Variants in SLCO3A1 observed in about 807,000 individuals in gnomAD.
SLCO3A1 encodes solute carrier organic anion transporter family member 3A1, also known as PGE1 transporter.
In SLCO3A1, 27 loss-of-function variants were observed where a neutral mutation model predicts 63.1. The ratio of observed to expected loss-of-function variants is 0.43; its 90% CI spans 0.32 to 0.59. The LOEUF is 0.59. Among genes scored for constraint, SLCO3A1 ranks in the 20% least tolerant of loss-of-function variants. SLCO3A1 has a pLI of 0.09. For synonymous variants in SLCO3A1, 473 were observed against 409.9 expected (o/e 1.15, Z -1.86); for missense variants, 773 against 945.8 (o/e 0.82, Z 2.40).
chr15:92,094,827 G>T lies in SLCO3A1; in HGVS notation c.647-54G>T, dbSNP rs575451605. Reference sequence around the variant, plus strand: ...AATCTCCTTGACCTTTGGTGATTTTGCTCATCGAATAGCTTCTGTTTTGTA... The same window carrying T: ...AATCTCCTTGACCTTTGGTGATTTTTCTCATCGAATAGCTTCTGTTTTGTA... On this transcript the variant is annotated intron_variant, in intron 2 of 9. Transcript: ENST00000318445. 4.5e-6 allele frequency: 5 copies of T among 1,112,652 alleles called. No individual in the cohort carries two copies. In the Admixed American group the frequency reaches 6.9e-5, roughly 15 times the overall value. 68.9% of individuals were successfully genotyped at this position (1,112,652 alleles called of 1,614,324 possible).
intron 2 of SLCO3A1, among the ~76,000 whole-genome samples, chr15:92,027,373 C>T (rs1275868283): frequency 2.6e-5 from 4 of 152,226 alleles, no homozygotes; most frequent in South Asian, 2.1e-4. Flanking sequence ...CCTTTACATA[C>T]GTTGTCCCAC....
intron 2 of SLCO3A1, among the ~76,000 whole-genome samples, chr15:91,923,019 C>G (rs1898899579): frequency 6.6e-6 from 1 of 152,182 alleles, no homozygotes; most frequent in Non-Finnish European, 1.5e-5. Context: ...GCCTGGGTGA[C>G]CTTTGGACAA....
At chr15:91,906,071 G>T (rs1173303335) in intron 1 of SLCO3A1, among the ~76,000 whole-genome samples, 1 of 152,184 alleles carries the variant, frequency 6.6e-6, no homozygotes, top group Non-Finnish European at 1.5e-5. Context: ...TCTGGGCTCA[G>T]GTTCCTCATC....
At chr15:91,970,565 G>C (rs1900822324) in intron 2 of SLCO3A1, among the ~76,000 whole-genome samples, 1 of 152,182 alleles carries the variant, frequency 6.6e-6, no homozygotes. Flanking sequence ...GGGTAGGTAG[G>C]AGACAAGTGG....
At chr15:92,044,914 G>A (rs1478883302) in intron 2 of SLCO3A1, among the ~76,000 whole-genome samples, 4 of 152,102 alleles carry the variant, frequency 2.6e-5, no homozygotes, top group Non-Finnish European at 1.5e-5. Flanking sequence ...TCCTTGGCCT[G>A]AACACCCTCT....
intron 1 of SLCO3A1, among the ~76,000 whole-genome samples, chr15:91,880,274 T>C (rs1274922614): frequency 6.6e-6 from 1 of 151,766 alleles, no homozygotes; most frequent in Non-Finnish European, 1.5e-5. Flanking sequence ...CTACCCAGTC[T>C]CCCCCAATAG....
intron 2 of SLCO3A1, among the ~76,000 whole-genome samples, chr15:91,993,501 G>T (rs2046152691): frequency 6.6e-6 from 1 of 152,176 alleles, no homozygotes; most frequent in Non-Finnish European, 1.5e-5. Context: ...ATGGAACTTG[G>T]TTGGGATGAC....
chr15:92,147,219 T>G, intron 8 of SLCO3A1, 60 bp downstream of exon 8: 5 of 1,515,100 alleles, frequency 3.3e-6, no homozygotes, highest in Non-Finnish European at 4.5e-6. Flanking sequence ...TCTGCAGGCC[T>G]CCTAGGGACC....
At chr15:92,112,285 T>C (rs1017215278) in intron 4 of SLCO3A1, among the ~76,000 whole-genome samples, 7 of 152,352 alleles carry the variant, frequency 4.6e-5, no homozygotes, top group African/African-American at 1.7e-4. Flanking sequence ...GACTAGGGGC[T>C]GCTCCCACAC....
At chr15:91,878,432 G>C (rs761942277) in intron 1 of SLCO3A1, among the ~76,000 whole-genome samples, 1 of 152,118 alleles carries the variant, frequency 6.6e-6, no homozygotes, top group Non-Finnish European at 1.5e-5. Context: ...CACTGTCCTT[G>C]GTAGTAGCCA....
rs75602405 is a variant in SLCO3A1 at position 91,941,809 on chromosome 15, A to G, written c.646+25351A>G. ...CAGGCTTCCCTCTCTCCTCTGCCCAATGCAGTGCTTTGCATACTGTAGGAG... is the reference window on the plus strand; with the variant it reads ...CAGGCTTCCCTCTCTCCTCTGCCCAGTGCAGTGCTTTGCATACTGTAGGAG... On this transcript the variant is annotated intron_variant, in intron 2 of 9. Coordinates refer to ENST00000318445, the MANE Select transcript of SLCO3A1 (RefSeq NM_013272.4). The surrounding 1 kb of genome is among the most constrained non-coding windows in gnomAD (Gnocchi z 4.4). 2.9e-3 allele frequency among the ~76,000 whole-genome samples: 435 copies of G among 152,252 alleles called. 2 individuals carry two copies. The highest frequency in any genetic ancestry group is 0.01 in the African/African-American group (425 of 41,554).
At chr15:92,151,575 G>A (rs1208668829) in intron 9 of SLCO3A1, among the ~76,000 whole-genome samples, 2 of 152,174 alleles carry the variant, frequency 1.3e-5, no homozygotes, top group African/African-American at 4.8e-5. Flanking sequence ...ATAGGCAAAA[G>A]GAAGATGAGA....
intron 2 of SLCO3A1, among the ~76,000 whole-genome samples, chr15:92,085,801 C>T (rs1210486994): frequency 6.6e-6 from 1 of 152,212 alleles, no homozygotes; most frequent in Non-Finnish European, 1.5e-5. Flanking sequence ...ACAGTAACCA[C>T]AGTCCTGACT....
intron 2 of SLCO3A1, among the ~76,000 whole-genome samples, chr15:92,058,788 A>C (rs946693982): frequency 2.6e-5 from 4 of 152,146 alleles, no homozygotes; most frequent in African/African-American, 9.7e-5. Flanking sequence ...TGGAGGCTCT[A>C]AGGAAGAATC....
At chr15:92,037,460 C>T (rs1264783417) in intron 2 of SLCO3A1, among the ~76,000 whole-genome samples, 1 of 152,154 alleles carries the variant, frequency 6.6e-6, no homozygotes, top group African/African-American at 2.4e-5. Flanking sequence ...AAGCCCAGTG[C>T]AAAATGAAGT....
intron 1 of SLCO3A1, among the ~76,000 whole-genome samples, chr15:91,888,490 G>T (rs569895004): frequency 1.5e-4 from 23 of 152,248 alleles, no homozygotes; most frequent in Admixed American, 1.4e-3. Context: ...TGTGACTCTA[G>T]AATTAAACTC....
chr15:92,046,729 G>T (rs943302894), intron 2 of SLCO3A1, among the ~76,000 whole-genome samples: 12 of 151,520 alleles, frequency 7.9e-5, no homozygotes, highest in African/African-American at 2.9e-4. Flanking sequence ...ATTTACTTCA[G>T]GTAGAGCAGA....
chr15:91,857,029 CGTGTGTGT>C (rs58042356), intron 1 of SLCO3A1, among the ~76,000 whole-genome samples: 402 of 139,112 alleles, frequency 2.9e-3, no homozygotes, highest in African/African-American at 3.8e-3. Flanking sequence ...AAGGAGGACT[CGTGTGTGT>C]GTGTGTGTGT....
At position 91,853,775 on chromosome 15, in the gene SLCO3A1, G is replaced by A; in HGVS notation, c.-134G>A. 2.3e-6 allele frequency: 2 copies of A among 882,892 alleles called. No individual in the cohort carries two copies. The highest frequency in any genetic ancestry group is 2.8e-6 in the Non-Finnish European group (2 of 721,094). 54.7% of individuals were successfully genotyped at this position (882,892 alleles called of 1,614,324 possible). On this transcript the variant is annotated 5_prime_UTR_variant, in exon 1 of 10. Transcript: ENST00000318445. ...CACCTCTCCAGCCCCGGCAGGACGG[G>A]GGCGGCCGCCGCGAACCCGGGGCGG...
Sources: gnomAD v4.1 joint callset for allele counts (sites outside exome capture counted in the v4.1 genomes callset) on GRCh38, gnomAD v4.1.1 for gene constraint, Gnocchi (gnomAD v3.1) non-coding constraint, MANE v1.5 for transcripts, NCBI Gene and HGNC (gene_info 2026-07-23, HGNC 2026-07-21) for gene names.